PCDH15: variants seen among roughly 807,000 people sequenced by gnomAD.
The protein encoded by PCDH15 is protocadherin related 15, also known as protocadherin-15.
PCDH15 carries 129 observed loss-of-function variants against 178.5 expected under a neutral mutation model. The ratio of observed to expected loss-of-function variants is 0.72; its 90% CI spans 0.63 to 0.84. The LOEUF is 0.84. PCDH15 is among the 40% of genes least tolerant of loss of function. The pLI, the probability that PCDH15 is intolerant of heterozygous loss-of-function variation, is 0.00. For synonymous variants in PCDH15, 800 were observed against 732.0 expected, an observed-to-expected ratio of 1.09 and a Z score of -1.50; for missense variants, 2,230 against 2,099.9, an observed-to-expected ratio of 1.06 and a Z score of -1.21.
intron 2 of PCDH15, among the ~76,000 whole-genome samples, chr10:55,550,218 T>A (rs540038544): frequency 6.6e-6 from 1 of 152,230 alleles, no homozygotes; most frequent in Admixed American, 6.6e-5. Context: ...CTAATCAAAG[T>A]TTTATATTTC....
chr10:55,073,384 A>G (rs895932315), intron 2 of PCDH15, among the ~76,000 whole-genome samples: 1 of 152,146 alleles, frequency 6.6e-6, no homozygotes, highest in African/African-American at 2.4e-5. Flanking sequence ...TTAAGCTGAT[A>G]AGCAACTTCA....
intron 2 of PCDH15, among the ~76,000 whole-genome samples, chr10:54,622,878 C>T (rs187160588): frequency 6.9e-6 from 1 of 145,530 alleles, no homozygotes; most frequent in African/African-American, 2.5e-5. Flanking sequence ...GTGTCTTTCA[C>T]AACCTCCTCT....
Position 53,959,252 on chromosome 10 carries a change from TTA to T in PCDH15, c.3122+478_3122+479del, listed in dbSNP as rs145704041. Among the ~76,000 whole-genome samples the T allele has an allele frequency of 4.2e-4, 62 of 147,734 alleles. No homozygotes were observed. In the South Asian group the frequency reaches 5.9e-3, roughly 14 times the overall value. On this transcript the variant is annotated intron_variant, in intron 23 of 37. Transcript: ENST00000644397. The stretch of plus-strand genomic sequence containing the variant: ...GTATATATAAATACACACACTACAT[TTA>T]TATATATATATACACACTATATATA...
At chr10:54,633,038 C>T (rs1565805978) in intron 2 of PCDH15, among the ~76,000 whole-genome samples, 1 of 152,028 alleles carries the variant, frequency 6.6e-6, no homozygotes, top group Non-Finnish European at 1.5e-5. Context: ...AAAGAGAATT[C>T]CAGTTTAGCA....
chr10:54,581,734 G>A (rs943195573), intron 2 of PCDH15, among the ~76,000 whole-genome samples: 15 of 151,922 alleles, frequency 9.9e-5, no homozygotes, highest in South Asian at 2.1e-4. Flanking sequence ...ACACATAGAC[G>A]TATGGAACAG....
intron 21 of PCDH15, among the ~76,000 whole-genome samples, chr10:53,988,835 G>A (rs115981454): frequency 1.2e-3 from 179 of 152,110 alleles, no homozygotes; most frequent in African/African-American, 4.0e-3. Context: ...CCCCACTCCC[G>A]AAATATGTGA....
chr10:55,271,257 G>T (rs1245638689), intron 1 of PCDH15, among the ~76,000 whole-genome samples: 1 of 151,756 alleles, frequency 6.6e-6, no homozygotes, highest in Non-Finnish European at 1.5e-5. Context: ...TAAAATATAA[G>T]TTGAATTTTA....
At chr10:53,876,877 C>T (rs1041670800) in intron 26 of PCDH15, among the ~76,000 whole-genome samples, 7 of 152,032 alleles carry the variant, frequency 4.6e-5, no homozygotes, top group African/African-American at 1.7e-4. Context: ...GCCAGTGCAA[C>T]AATAATAGAG....
intron 1 of PCDH15, among the ~76,000 whole-genome samples, chr10:55,274,979 C>T (rs755282342): frequency 1.3e-5 from 2 of 152,062 alleles, no homozygotes; most frequent in Non-Finnish European, 2.9e-5. Flanking sequence ...GGGACCCCTG[C>T]ATTAAAGCTC....
At chr10:54,522,148 A>G (rs2082948287) in intron 3 of PCDH15, among the ~76,000 whole-genome samples, 1 of 151,808 alleles carries the variant, frequency 6.6e-6, no homozygotes. Flanking sequence ...AAACATCTAC[A>G]CACAGTTGTG....
rs1034282288 is a variant in PCDH15, at chr10:54,307,535, C to T, written c.876+9736G>A. On this transcript the variant is annotated intron_variant, in intron 8 of 37. Coordinates refer to ENST00000644397, the MANE Select transcript of PCDH15 (RefSeq NM_001384140.1). ...AAACAAAGGGAGCAAGATACCTCCC[C>T]GTCTGACATTTAAAATTTGATTCAC... 4.6e-5 allele frequency among the ~76,000 whole-genome samples: 7 copies of T among 151,814 alleles called. No homozygotes were observed. In the East Asian group the frequency reaches 5.9e-4, roughly 13 times the overall value.
chr10:53,849,792 C>T lies in PCDH15; in HGVS notation c.3806+7383G>A, dbSNP rs181694889. On this transcript the variant is annotated intron_variant, in intron 28 of 37. Coordinates refer to ENST00000644397, the MANE Select transcript of PCDH15 (RefSeq NM_001384140.1). Reference sequence around the variant, plus strand: ...GGCAGAATGACATGAACCCGGGAGACGGAGCTTGCAGTGAGCCGAGATCGC... The same window carrying T: ...GGCAGAATGACATGAACCCGGGAGATGGAGCTTGCAGTGAGCCGAGATCGC... Among the ~76,000 whole-genome samples, 1,266 of 136,288 alleles carry T rather than the reference C, an allele frequency of 9.3e-3. 20 individuals carry two copies. Among genetic ancestry groups the T allele is most frequent in the African/African-American group, 0.033 (1,178 of 35,788 alleles). 89.4% of individuals were successfully genotyped at this position (136,288 alleles called of 152,430 possible). A position where few individuals can be genotyped will look rare whatever the true frequency, so the allele number is the denominator to read the frequency against.
rs1203452904 is a variant in PCDH15 at position 54,877,938 on chromosome 10, CTTTTTTTTTTTTTTTTTTTTT to C, written c.-29+19491_-29+19511del. Among the ~76,000 whole-genome samples, 21 of 8,108 alleles carry C rather than the reference CTTTTTTTTTTTTTTTTTTTTT, an allele frequency of 2.6e-3. No individual in the cohort carries two copies. In the East Asian group the frequency reaches 0.045, roughly 17 times the overall value. 5.3% of individuals were successfully genotyped at this position (8,108 alleles called of 152,430 possible). A position where few individuals can be genotyped will look rare whatever the true frequency, so the allele number is the denominator to read the frequency against. On this transcript the variant is annotated intron_variant, in intron 3 of 5. Coordinates refer to the PCDH15 transcript ENST00000458638. Reference sequence around the variant, plus strand: ...TCTTATTCTCTTTCTCTCTCTCTCTCTTTTTTTTTTTTTTTTTTTTTTTTTTTTTTTTTTTTTTTGTTGAAG... The same window carrying C: ...TCTTATTCTCTTTCTCTCTCTCTCTCTTTTTTTTTTTTTTTTTTGTTGAAG...
At chr10:54,221,603 T>G (rs868325459) in intron 9 of PCDH15, among the ~76,000 whole-genome samples, 1 of 150,196 alleles carries the variant, frequency 6.7e-6, no homozygotes, top group African/African-American at 2.5e-5. Flanking sequence ...ATGTATTCTT[T>G]TTTTTTTTTT....
chr10:54,041,739 TGTGG>T (rs1034183569), intron 18 of PCDH15, among the ~76,000 whole-genome samples: 1 of 152,084 alleles, frequency 6.6e-6, no homozygotes, highest in African/African-American at 2.4e-5. Flanking sequence ...AATCCAATAT[TGTGG>T]GTTCAAAAAG....
intron 2 of PCDH15, among the ~76,000 whole-genome samples, chr10:55,442,484 T>A (rs200224541): frequency 8.1e-6 from 1 of 123,080 alleles, no homozygotes; most frequent in Non-Finnish European, 1.6e-5. Context: ...ATATATATTA[T>A]ATATATATAT....
At chr10:53,876,558 G>A (rs996898141) in intron 26 of PCDH15, among the ~76,000 whole-genome samples, 3 of 151,058 alleles carry the variant, frequency 2.0e-5, no homozygotes, top group African/African-American at 4.9e-5. Context: ...CCCAGAACAT[G>A]ATAAAATATG....
chr10:55,611,004 G>A (rs940586486), intron 2 of PCDH15, among the ~76,000 whole-genome samples: 5 of 152,082 alleles, frequency 3.3e-5, no homozygotes, highest in African/African-American at 1.2e-4. Context: ...TCTCAGTGTT[G>A]TAAGAAATAT....
At chr10:55,101,551 G>T (rs1288099479) in intron 2 of PCDH15, among the ~76,000 whole-genome samples, 1 of 151,700 alleles carries the variant, frequency 6.6e-6, no homozygotes, top group Admixed American at 6.6e-5. Flanking sequence ...GTGTATTTTC[G>T]ACTACTTAAA....
Sources: gnomAD v4.1 joint callset for allele counts (sites outside exome capture counted in the v4.1 genomes callset) on GRCh38, gnomAD v4.1.1 for gene constraint, MANE v1.5 for transcripts, NCBI Gene and HGNC (gene_info 2026-07-23, HGNC 2026-07-21) for gene names.